WDR72: variants seen among roughly 807,000 people sequenced by gnomAD.
The protein encoded by WDR72 is WD repeat-containing protein 72.
A neutral mutation model predicts 124.2 loss-of-function variants in WDR72; 120 were observed. The observed-to-expected ratio is 0.97, with a 90% CI of 0.83 to 1.12. WDR72 has a LOEUF of 1.12. Ranked by LOEUF, WDR72 falls within the 50% of genes most tolerant of loss-of-function variation. WDR72 has a pLI of 0.00. For synonymous variants in WDR72, 452 were observed against 441.7 expected (o/e 1.02, Z -0.29); for missense variants, 1,387 against 1,278.8 (o/e 1.08, Z -1.29).
At chr15:53,536,390 G>T (rs1295935341) in intron 18 of WDR72, among the ~76,000 whole-genome samples, 2 of 152,112 alleles carry the variant, frequency 1.3e-5, no homozygotes, top group Admixed American at 6.5e-5. Flanking sequence ...GCAAGATGTA[G>T]TTAGAAAAAG....
chr15:53,667,465 C>T (rs1206774002), intron 13 of WDR72, among the ~76,000 whole-genome samples: 1 of 152,094 alleles, frequency 6.6e-6, no homozygotes, highest in Non-Finnish European at 1.5e-5. Flanking sequence ...CTGAAGGATA[C>T]ACCTCAGGGA....
At chr15:53,520,447 C>T (rs1481235697) in intron 19 of WDR72, among the ~76,000 whole-genome samples, 1 of 151,990 alleles carries the variant, frequency 6.6e-6, no homozygotes, top group Non-Finnish European at 1.5e-5. Flanking sequence ...TGAATGAAAA[C>T]ATTCCAGTTG....
At chr15:53,700,506 A>G (rs1164805599) in intron 12 of WDR72, among the ~76,000 whole-genome samples, 3 of 152,200 alleles carry the variant, frequency 2.0e-5, no homozygotes, top group Non-Finnish European at 4.4e-5. Context: ...AGGACCAAAA[A>G]TAGGCTCCCA....
chr15:53,645,263 CTG>C (rs1490952058), intron 14 of WDR72, among the ~76,000 whole-genome samples: 1 of 152,120 alleles, frequency 6.6e-6, no homozygotes, highest in Non-Finnish European at 1.5e-5. Flanking sequence ...TGGACACTTT[CTG>C]TGACATTATA....
intron 2 of WDR72, among the ~76,000 whole-genome samples, chr15:53,724,403 A>C (rs1413701007): frequency 6.6e-6 from 1 of 152,220 alleles, no homozygotes. Context: ...CCTGAGACCA[A>C]GTAATTCATG....
intron 13 of WDR72, among the ~76,000 whole-genome samples, chr15:53,687,370 T>C (rs1232821185): frequency 2.7e-5 from 4 of 149,954 alleles, no homozygotes; most frequent in Admixed American, 2.0e-4. Flanking sequence ...TAAAAAATGA[T>C]AAAGGGGATA....
chr15:53,620,459 T>C (rs945782289), intron 14 of WDR72, among the ~76,000 whole-genome samples: 2 of 151,908 alleles, frequency 1.3e-5, no homozygotes, highest in Non-Finnish European at 2.9e-5. Flanking sequence ...CTTCTAAAAA[T>C]AGTAATCAAA....
intron 7 of WDR72, among the ~76,000 whole-genome samples, 170 bp downstream of exon 7, chr15:53,712,602 C>CAA (rs2017575636): frequency 8.3e-6 from 1 of 119,826 alleles, no homozygotes; most frequent in African/African-American, 2.9e-5. Context: ...ACCACCCCAC[C>CAA]GCCAAAAAAA....
chr15:53,713,815 T>C (rs1019223408), intron 6 of WDR72, among the ~76,000 whole-genome samples: 2 of 152,178 alleles, frequency 1.3e-5, no homozygotes, highest in African/African-American at 2.4e-5. Flanking sequence ...ACACAGCACA[T>C]AGAATAGTAC....
At chr15:53,623,037 T>C (rs2014062562) in intron 14 of WDR72, among the ~76,000 whole-genome samples, 2 of 152,162 alleles carry the variant, frequency 1.3e-5, no homozygotes, top group South Asian at 4.1e-4. Flanking sequence ...AACAAAGAGA[T>C]AAAAATATTG....
chr15:53,720,310 CT>C (rs2140571187), intron 3 of WDR72, among the ~76,000 whole-genome samples: 1 of 152,244 alleles, frequency 6.6e-6, no homozygotes, highest in Admixed American at 6.5e-5. Flanking sequence ...GATCTTATTA[CT>C]ACATTATTAT....
intron 12 of WDR72, among the ~76,000 whole-genome samples, chr15:53,700,917 G>C (rs1440410505): frequency 6.6e-6 from 1 of 152,116 alleles, no homozygotes; most frequent in African/African-American, 2.4e-5. Context: ...ACGTGCTCCA[G>C]GAAACTTACA....
intron 18 of WDR72, among the ~76,000 whole-genome samples, chr15:53,568,001 G>A (rs1181460850): frequency 6.9e-6 from 1 of 145,784 alleles, no homozygotes; most frequent in Non-Finnish European, 1.5e-5. Context: ...ACAAACAGTT[G>A]CCTTGAATAA....
chr15:53,745,642 G>A (rs984350088), intron 1 of WDR72, among the ~76,000 whole-genome samples: 2 of 152,072 alleles, frequency 1.3e-5, no homozygotes, highest in Non-Finnish European at 2.9e-5. Flanking sequence ...AAAAATTATT[G>A]TTTATTGTAT....
At chr15:53,588,313 G>A (rs77675205) in intron 18 of WDR72, among the ~76,000 whole-genome samples, 1 of 152,028 alleles carries the variant, frequency 6.6e-6, no homozygotes, top group East Asian at 1.9e-4. Flanking sequence ...TTGCCCTCAA[G>A]GAGTTCACAG....
chr15:53,684,799 T>C (rs1375034857), intron 13 of WDR72, among the ~76,000 whole-genome samples: 3 of 151,514 alleles, frequency 2.0e-5, no homozygotes, highest in Non-Finnish European at 4.4e-5. Context: ...CTCTGCAGAC[T>C]TAAATGTCCC....
rs766260645 is a variant in WDR72, at chr15:53,515,682, A to C, written c.*2017T>G. ...AAAATCCTAACATTTCCACTTAGTA[A>C]TGTCAGGGTTGTGCCAGTTCTAATT... On this transcript the variant is annotated 3_prime_UTR_variant, in exon 20 of 20. Coordinates refer to ENST00000360509, the MANE Select transcript of WDR72 (RefSeq NM_182758.4). 3 of 152,198 alleles carry C rather than the reference A, an allele frequency of 2.0e-5. No homozygotes were observed. Among genetic ancestry groups the C allele is most frequent in the Admixed American group, 1.3e-4 (2 of 15,274 alleles). 9.4% of individuals were successfully genotyped at this position (152,198 alleles called of 1,614,324 possible).
intron 17 of WDR72, among the ~76,000 whole-genome samples, chr15:53,607,777 C>A (rs1475451706): frequency 1.3e-5 from 2 of 151,912 alleles, no homozygotes; most frequent in African/African-American, 2.4e-5. Context: ...GGATTAATAC[C>A]CAGAGTATAC....
chr15:53,567,518 T>C (rs1668687234), intron 18 of WDR72, among the ~76,000 whole-genome samples: 2 of 152,050 alleles, frequency 1.3e-5, no homozygotes, highest in South Asian at 2.1e-4. Context: ...CTCTGTTGCA[T>C]ATCCATGCAG....
Sources: allele counts gnomAD v4.1 joint callset (sites outside exome capture counted in the v4.1 genomes callset), GRCh38; gene constraint gnomAD v4.1.1; transcripts MANE v1.5; gene names NCBI Gene and HGNC (gene_info 2026-07-23, HGNC 2026-07-21).